MARCHF8: variants seen among roughly 807,000 people sequenced by gnomAD.
The protein encoded by MARCHF8 is E3 ubiquitin-protein ligase MARCHF8.
MARCHF8 carries 40 observed loss-of-function variants against 51.6 expected under a neutral mutation model. That is an observed-to-expected ratio of 0.77 (90% CI 0.60 to 1.01). The LOEUF is 1.01. Among genes scored for constraint, MARCHF8 ranks in the 50% least tolerant of loss-of-function variants. MARCHF8 has a pLI of 0.00. For synonymous variants in MARCHF8, 263 were observed against 280.3 expected (o/e 0.94, Z 0.62); for missense variants, 685 against 708.6 (o/e 0.97, Z 0.38).
intron 2 of MARCHF8, among the ~76,000 whole-genome samples, chr10:45,503,742 G>A (rs555016022): frequency 6.6e-6 from 1 of 151,994 alleles, no homozygotes; most frequent in African/African-American, 2.4e-5. Flanking sequence ...ACACATAAAT[G>A]GAGAGACAAA....
intron 1 of MARCHF8, among the ~76,000 whole-genome samples, chr10:45,590,003 C>T (rs1382479940): frequency 1.3e-5 from 2 of 152,226 alleles, no homozygotes. Context: ...TTTCTCAAAG[C>T]AGTTGCTCCA....
At chr10:45,530,710 C>T (rs2043864564) in intron 2 of MARCHF8, among the ~76,000 whole-genome samples, 2 of 152,038 alleles carry the variant, frequency 1.3e-5, no homozygotes, top group Non-Finnish European at 2.9e-5. Flanking sequence ...GAGTTCGTGG[C>T]TGCGGTATGC....
chr10:45,530,852 C>G (rs1311307835), intron 2 of MARCHF8, among the ~76,000 whole-genome samples: 1 of 152,050 alleles, frequency 6.6e-6, no homozygotes, highest in Non-Finnish European at 1.5e-5. Flanking sequence ...AGAATAGTCA[C>G]ACATGCCAAC....
chr10:45,547,022 A>C (rs2044133219), intron 1 of MARCHF8, among the ~76,000 whole-genome samples: 1 of 152,132 alleles, frequency 6.6e-6, no homozygotes, highest in African/African-American at 2.4e-5. Flanking sequence ...CAGGAGTTCT[A>C]GACTGGCCTG....
In MARCHF8 at chr10:45,464,333, A is replaced by T; in HGVS notation, c.154-6T>A. 1 of 1,613,860 alleles carries T rather than the reference A, an allele frequency of 6.2e-7. No homozygotes were observed. Among genetic ancestry groups the T allele is most frequent in the Middle Eastern group, 1.6e-4 (1 of 6,062 alleles). On this transcript the variant is annotated splice_region_variant and splice_polypyrimidine_tract_variant and intron_variant, in intron 3 of 7. Coordinates refer to ENST00000453424, the MANE Select transcript of MARCHF8 (RefSeq NM_001282866.2). ...GCTGACGGAGGACTCCCAGCCTGCA[A>T]TGACAGACCTGTGGTCAGTGTTCAG...
chr10:45,528,017 G>A (rs1282913943), intron 2 of MARCHF8, among the ~76,000 whole-genome samples: 1 of 152,154 alleles, frequency 6.6e-6, no homozygotes, highest in Non-Finnish European at 1.5e-5. Context: ...TATCTCGATA[G>A]ATACAGAAAA....
chr10:45,491,675 T>C (rs2043082866), intron 2 of MARCHF8, among the ~76,000 whole-genome samples: 1 of 152,260 alleles, frequency 6.6e-6, no homozygotes, highest in South Asian at 2.1e-4. Flanking sequence ...TAGTCAAGAA[T>C]GTACTTATAG....
chr10:45,512,449 C>G (rs1049881853), intron 2 of MARCHF8, among the ~76,000 whole-genome samples: 2 of 150,566 alleles, frequency 1.3e-5, no homozygotes, highest in African/African-American at 4.9e-5. Flanking sequence ...GTGAGGGGCA[C>G]CTCTGCCCGG....
chr10:45,547,400 A>G (rs897714750), intron 1 of MARCHF8, among the ~76,000 whole-genome samples: 2 of 152,106 alleles, frequency 1.3e-5, no homozygotes, highest in African/African-American at 4.8e-5. Flanking sequence ...TCACAGCCAT[A>G]TTTCAAGGAC....
At chr10:45,489,523 G>T in intron 2 of MARCHF8, 106 bp from the exon 3 acceptor site, 2 of 1,067,150 alleles carry the variant, frequency 1.9e-6, no homozygotes, top group Non-Finnish European at 2.8e-6. Flanking sequence ...CCCTGAACTA[G>T]AATTTGCAAA....
intron 1 of MARCHF8, among the ~76,000 whole-genome samples, chr10:45,584,426 AT>A (rs1264813200): frequency 2.0e-5 from 3 of 152,112 alleles, no homozygotes; most frequent in Non-Finnish European, 4.4e-5. Flanking sequence ...GGACCCACAG[AT>A]TATGGACCCA....
At chr10:45,497,823 A>G (rs1460962946) in intron 2 of MARCHF8, among the ~76,000 whole-genome samples, 2 of 152,230 alleles carry the variant, frequency 1.3e-5, no homozygotes, top group Admixed American at 6.5e-5. Flanking sequence ...AAATGACAAG[A>G]TTAAAGAAAG....
chr10:45,458,635 TTTG>T (rs1005565068), intron 7 of MARCHF8, 92 bp from the exon 8 acceptor site: 185 of 1,307,564 alleles, frequency 1.4e-4, no homozygotes, highest in Middle Eastern at 2.2e-4. Flanking sequence ...CAACTGATTC[TTTG>T]TTGTTGTTGT....
At chr10:45,498,340 T>G (rs2043212951) in intron 2 of MARCHF8, among the ~76,000 whole-genome samples, 1 of 152,154 alleles carries the variant, frequency 6.6e-6, no homozygotes. Flanking sequence ...TTTTAAAAAT[T>G]TTTACTTTCT....
At chr10:45,519,047 C>A (rs530481857) in intron 2 of MARCHF8, among the ~76,000 whole-genome samples, 19 of 152,212 alleles carry the variant, frequency 1.2e-4, no homozygotes, top group Admixed American at 3.3e-4. Flanking sequence ...TCTACACACA[C>A]AAAAAAACTT....
intron 1 of MARCHF8, among the ~76,000 whole-genome samples, chr10:45,574,986 C>T (rs2044473199): frequency 6.6e-6 from 1 of 151,296 alleles, no homozygotes; most frequent in South Asian, 2.1e-4. Context: ...AAAAAAAATT[C>T]CTCACTATGC....
intron 1 of MARCHF8, among the ~76,000 whole-genome samples, chr10:45,592,564 A>T (rs148587701): frequency 2.6e-5 from 4 of 152,376 alleles, no homozygotes; most frequent in African/African-American, 9.6e-5. Flanking sequence ...ATTTTAAACT[A>T]CTTACCACCA....
chr10:45,575,464 G>A (rs2044478904), intron 1 of MARCHF8, among the ~76,000 whole-genome samples: 1 of 151,910 alleles, frequency 6.6e-6, no homozygotes, highest in Non-Finnish European at 1.5e-5. Flanking sequence ...CCATATCCAG[G>A]CCATCACCAA....
intron 2 of MARCHF8, among the ~76,000 whole-genome samples, chr10:45,518,318 A>G (rs565292058): frequency 6.6e-6 from 1 of 152,336 alleles, no homozygotes; most frequent in Non-Finnish European, 1.5e-5. Flanking sequence ...TCAGTACAGA[A>G]AAGAGAGCTC....
Sources: allele counts gnomAD v4.1 joint callset (sites outside exome capture counted in the v4.1 genomes callset), GRCh38; gene constraint gnomAD v4.1.1; transcripts MANE v1.5; gene names NCBI Gene and HGNC (gene_info 2026-07-23, HGNC 2026-07-21).